Variants in CEP83 observed in about 807,000 individuals in gnomAD.
The protein encoded by CEP83 is centrosomal protein 83.
CEP83 carries 70 observed loss-of-function variants against 101.9 expected under a neutral mutation model. The ratio of observed to expected loss-of-function variants is 0.69; its 90% CI spans 0.57 to 0.84. CEP83 has a LOEUF of 0.84. CEP83 is among the 40% of genes least tolerant of loss of function. The pLI, the probability that CEP83 is intolerant of heterozygous loss-of-function variation, is 0.00. For missense variants in CEP83, 715 were observed against 787.2 expected, an observed-to-expected ratio of 0.91 and a Z score of 1.10; for synonymous variants, 264 against 267.9, an observed-to-expected ratio of 0.99 and a Z score of 0.14.
intron 14 of CEP83, among the ~76,000 whole-genome samples, chr12:94,321,754 C>T (rs1210712588): frequency 6.6e-6 from 1 of 152,132 alleles, no homozygotes; most frequent in African/African-American, 2.4e-5. Flanking sequence ...AAGATGGCAA[C>T]CCATCCCTCC....
chr12:94,457,432 T>TTAGTGGGCCGAGGCC (rs1023735644), intron 1 of CEP83, among the ~76,000 whole-genome samples: 2 of 152,168 alleles, frequency 1.3e-5, no homozygotes, highest in African/African-American at 4.8e-5. Flanking sequence ...TTCTGACAAT[T>TTAGTGGGCCGAGGCC]CACTAAAATT....
At chr12:94,313,130 T>C in intron 14 of CEP83, 113 bp from the exon 15 acceptor site, 1 of 516,532 alleles carries the variant, frequency 1.9e-6, no homozygotes, top group Non-Finnish European at 3.4e-6. Flanking sequence ...ATGTTTTCAG[T>C]GAATACTAGA....
intron 1 of CEP83, among the ~76,000 whole-genome samples, chr12:94,435,959 G>A (rs558036192): frequency 5.3e-5 from 8 of 152,184 alleles, no homozygotes; most frequent in African/African-American, 1.9e-4. Flanking sequence ...ACCCTGCTGG[G>A]TGGCTAGACC....
At chr12:94,287,829 G>A in the CEP83 span, among the ~76,000 whole-genome samples, 1 of 152,316 alleles carries the variant, frequency 6.6e-6, no homozygotes, top group South Asian at 2.1e-4. Flanking sequence ...TAACAAACAC[G>A]TATAATGCTT....
chr12:94,342,989 A>T (rs1452829468), intron 11 of CEP83, among the ~76,000 whole-genome samples: 1 of 152,112 alleles, frequency 6.6e-6, no homozygotes, highest in Non-Finnish European at 1.5e-5. Flanking sequence ...GTACAAGACA[A>T]ATCAAGTGGA....
chr12:94,313,028 A>ATT lies in CEP83; in HGVS notation c.1708-12_1708-11insAA. On this transcript the variant is annotated splice_polypyrimidine_tract_variant and intron_variant, in intron 14 of 16. Coordinates refer to ENST00000397809, the MANE Select transcript of CEP83 (RefSeq NM_016122.3). ...ATGAAGAGATTTTCTCTAAAAAGAG[A>ATT]AATATGAACAAGTATGTTAATACAT... The ATT allele has an allele frequency of 8.4e-7, 1 of 1,191,926 alleles. No homozygotes were observed. Among genetic ancestry groups the ATT allele is most frequent in the Non-Finnish European group, 1.2e-6 (1 of 812,668 alleles). The allele number at this position is 1,191,926 out of a possible 1,614,324, so 73.8% of individuals were successfully genotyped here. A position where few individuals can be genotyped will look rare whatever the true frequency, so the allele number is the denominator to read the frequency against.
the CEP83 span, among the ~76,000 whole-genome samples, chr12:94,291,244 C>CATA: frequency 6.6e-6 from 1 of 152,184 alleles, no homozygotes; most frequent in Non-Finnish European, 1.5e-5. Flanking sequence ...TCTATTGAAG[C>CATA]ATAATTTTTG....
intron 1 of CEP83, among the ~76,000 whole-genome samples, chr12:94,444,546 C>T (rs2066657666): frequency 6.6e-6 from 1 of 152,192 alleles, no homozygotes; most frequent in Admixed American, 6.5e-5. Context: ...TAGAGATGCA[C>T]AAACATTTAT....
At chr12:94,342,699 A>G (rs538148674) in intron 11 of CEP83, among the ~76,000 whole-genome samples, 24 of 152,312 alleles carry the variant, frequency 1.6e-4, no homozygotes, top group African/African-American at 5.8e-4. Context: ...CGATTCAGAA[A>G]ATTTAAAAAT....
At chr12:94,322,163 G>A (rs993869075) in intron 14 of CEP83, among the ~76,000 whole-genome samples, 21 of 152,048 alleles carry the variant, frequency 1.4e-4, no homozygotes, top group African/African-American at 2.7e-4. Context: ...TACAAAAGCC[G>A]TCTAGCTTTT....
At chr12:94,313,168 C>T (rs746369600) in intron 14 of CEP83, 151 bp from the exon 15 acceptor site, 12 of 405,494 alleles carry the variant, frequency 3.0e-5, no homozygotes, top group Non-Finnish European at 4.8e-5. Context: ...ATGGCTCTTA[C>T]TGAAAATTGC....
chr12:94,340,304 C>T lies in CEP83; in HGVS notation c.1344-4640G>A, dbSNP rs79138599. Among the ~76,000 whole-genome samples, 1,325 of 152,300 alleles carry T rather than the reference C, an allele frequency of 8.7e-3. 21 individuals are homozygous for T. The highest frequency in any genetic ancestry group is 0.031 in the African/African-American group (1,274 of 41,558). ...ATTATATCAAACTGCATATCATTTA[C>T]TTCCTCCTCCTTCACCCACTCCACA... On this transcript the variant is annotated intron_variant, in intron 11 of 16. Transcript: ENST00000397809.
chr12:94,300,050 G>A, the CEP83 span, among the ~76,000 whole-genome samples: 1 of 152,200 alleles, frequency 6.6e-6, no homozygotes, highest in African/African-American at 2.4e-5. Flanking sequence ...ATAATGGAAG[G>A]ACTTTGAACC....
the CEP83 span, among the ~76,000 whole-genome samples, chr12:94,297,878 A>G: frequency 1.3e-5 from 2 of 152,144 alleles, no homozygotes; most frequent in Admixed American, 6.5e-5. Context: ...CTCACACATA[A>G]AAGTGTCAGA....
intron 2 of CEP83, among the ~76,000 whole-genome samples, chr12:94,423,539 C>T (rs963399270): frequency 6.7e-6 from 1 of 149,952 alleles, no homozygotes; most frequent in Non-Finnish European, 1.5e-5. Flanking sequence ...ATGGCTCCCC[C>T]AGGCTCCATC....
chr12:94,276,023 A>G, the CEP83 span, among the ~76,000 whole-genome samples: 18 of 152,206 alleles, frequency 1.2e-4, no homozygotes, highest in Non-Finnish European at 4.4e-5. Context: ...CTGTGGAGGC[A>G]GTGGCAGATT....
chr12:94,356,069 C>T (rs998364943), intron 11 of CEP83, among the ~76,000 whole-genome samples: 1 of 152,190 alleles, frequency 6.6e-6, no homozygotes. Flanking sequence ...AAGCCTGTCT[C>T]GGCAAGTGGC....
At chr12:94,446,892 T>C (rs1020946991) in intron 1 of CEP83, among the ~76,000 whole-genome samples, 1 of 151,758 alleles carries the variant, frequency 6.6e-6, no homozygotes. Context: ...GCCCAACAAA[T>C]CCAAAGAAAC....
intron 1 of CEP83, among the ~76,000 whole-genome samples, chr12:94,441,408 G>A (rs962695350): frequency 6.6e-6 from 1 of 152,076 alleles, no homozygotes; most frequent in African/African-American, 2.4e-5. Flanking sequence ...ATGGCCAACA[G>A]ACATATGAAA....
Sources: allele counts gnomAD v4.1 joint callset (sites outside exome capture counted in the v4.1 genomes callset), GRCh38; gene constraint gnomAD v4.1.1; transcripts MANE v1.5; gene names NCBI Gene and HGNC (gene_info 2026-07-23, HGNC 2026-07-21).